Variants in BCAP29 observed in about 807,000 individuals in gnomAD.
The protein encoded by BCAP29 is B cell receptor associated protein 29, also known as B-cell receptor-associated protein 29.
In BCAP29, 34 loss-of-function variants were observed where a neutral mutation model predicts 31.8. The ratio of observed to expected loss-of-function variants is 1.07; its 90% CI spans 0.81 to 1.42. BCAP29 has a LOEUF of 1.42. Ranked by LOEUF, BCAP29 falls within the 40% of genes most tolerant of loss-of-function variation. The pLI is 0.00. For missense variants in BCAP29, 314 were observed against 269.2 expected (o/e 1.17, Z -1.16); for synonymous variants, 104 against 91.3 (o/e 1.14, Z -0.79).
intron 4 of BCAP29, among the ~76,000 whole-genome samples, chr7:107,594,969 A>G (rs1013545251): frequency 4.6e-5 from 7 of 152,164 alleles, no homozygotes; most frequent in Admixed American, 1.3e-4. Flanking sequence ...TGTACAATAC[A>G]TTCCACCCTT....
intron 7 of BCAP29, among the ~76,000 whole-genome samples, chr7:107,616,853 C>G (rs73421405): frequency 0.059 from 8,935 of 152,154 alleles, 715 homozygotes; most frequent in African/African-American, 0.18. Flanking sequence ...ATTCTTGTGC[C>G]TCAGCCTTCT....
At chr7:107,597,616 A>G (rs1006466673) in intron 5 of BCAP29, among the ~76,000 whole-genome samples, 1 of 152,162 alleles carries the variant, frequency 6.6e-6, no homozygotes, top group Non-Finnish European at 1.5e-5. Flanking sequence ...TGGTATTGTT[A>G]TTATCTGCAT....
Position 107,600,457 on chromosome 7 carries a change from G to GT in BCAP29, c.542dup (p.Glu182ArgfsTer9). The GT allele has an allele frequency of 6.2e-7, 1 of 1,611,276 alleles. No individual in the cohort carries two copies. The highest frequency in any genetic ancestry group is 8.5e-7 in the Non-Finnish European group (1 of 1,178,392). On this transcript the variant is annotated frameshift_variant, in exon 6 of 8. Transcript: ENST00000005259. LOFTEE classifies it high-confidence loss of function. The stretch of plus-strand genomic sequence containing the variant: ...TTTGGAAGCAGAAAATAAAAAACTA[G>GT]TAGAAGACCAGGAGAAACTGAAAAC...
intron 3 of BCAP29, among the ~76,000 whole-genome samples, chr7:107,586,872 C>T (rs954454583): frequency 3.3e-5 from 5 of 151,532 alleles, no homozygotes; most frequent in Admixed American, 6.6e-5. Flanking sequence ...GGACTACAGG[C>T]GAGAGCCACC....
downstream of BCAP29, chr7:107,621,501 C>T (rs1814968383): frequency 2.8e-6 from 1 of 352,692 alleles, no homozygotes; most frequent in Non-Finnish European, 5.6e-6. Context: ...ATCCCTATAC[C>T]AATCCCTGGA....
At chr7:107,605,382 A>G (rs1389845694) in intron 6 of BCAP29, among the ~76,000 whole-genome samples, 1 of 152,224 alleles carries the variant, frequency 6.6e-6, no homozygotes, top group South Asian at 2.1e-4. Flanking sequence ...TAAACCAAAC[A>G]TATGTCCATA....
At chr7:107,608,964 A>G (rs898841537) in intron 6 of BCAP29, among the ~76,000 whole-genome samples, 1 of 152,228 alleles carries the variant, frequency 6.6e-6, no homozygotes, top group Admixed American at 6.5e-5. Flanking sequence ...ACTCAGACAG[A>G]TAAGACACAG....
chr7:107,594,659 G>A (rs1176389005), intron 4 of BCAP29, among the ~76,000 whole-genome samples: 1 of 151,962 alleles, frequency 6.6e-6, no homozygotes, highest in Non-Finnish European at 1.5e-5. Flanking sequence ...CTGCCACTGT[G>A]CCCTGCTAAT....
chr7:107,594,344 T>G, intron 4 of BCAP29: 1 of 470,500 alleles, frequency 2.1e-6, no homozygotes, highest in Non-Finnish European at 3.8e-6. Flanking sequence ...CACACCACCA[T>G]GTAGGGCTAA....
At chr7:107,592,447 G>A (rs1008924304) in intron 3 of BCAP29, among the ~76,000 whole-genome samples, 1 of 152,182 alleles carries the variant, frequency 6.6e-6, no homozygotes, top group Non-Finnish European at 1.5e-5. Flanking sequence ...GTGTTGCTGA[G>A]GATATGGAGA....
At chr7:107,606,923 A>G (rs377490859) in intron 6 of BCAP29, among the ~76,000 whole-genome samples, 3 of 152,206 alleles carry the variant, frequency 2.0e-5, no homozygotes, top group South Asian at 2.1e-4. Flanking sequence ...TTACATATAC[A>G]TATTTTTAAA....
In BCAP29 at chr7:107,591,641, T is replaced by TACACACACACACACACACACACAC. The variant is rs924671499; in HGVS notation, c.194-2298_194-2297insACACACACACACACACACACACAC. Among the ~76,000 whole-genome samples the TACACACACACACACACACACACAC allele has an allele frequency of 9.9e-3, 413 of 41,798 alleles. 26 individuals are homozygous for TACACACACACACACACACACACAC. The highest frequency in any genetic ancestry group is 0.02 in the African/African-American group (375 of 19,164). 27.4% of individuals were successfully genotyped at this position (41,798 alleles called of 152,430 possible). ...TGTACCACTTTTCCCCATACACACA[T>TACACACACACACACACACACACAC]ACACACACACACACACCCTATTGGT... is the stretch of plus-strand genomic sequence containing the variant. On this transcript the variant is annotated intron_variant, in intron 3 of 7. Transcript: ENST00000005259.
At chr7:107,597,779 T>C (rs372566499) in intron 5 of BCAP29, among the ~76,000 whole-genome samples, 2 of 152,230 alleles carry the variant, frequency 1.3e-5, no homozygotes, top group East Asian at 3.8e-4. Flanking sequence ...AACTCCTATG[T>C]TATCTGATAG....
intron 6 of BCAP29, among the ~76,000 whole-genome samples, chr7:107,607,656 A>T (rs1272752578): frequency 8.3e-6 from 1 of 119,772 alleles, no homozygotes; most frequent in African/African-American, 3.3e-5. Context: ...TTTTTTTCCG[A>T]GACAGATTCT....
At chr7:107,581,677 T>A (rs1352871125) in intron 2 of BCAP29, among the ~76,000 whole-genome samples, 3 of 152,178 alleles carry the variant, frequency 2.0e-5, no homozygotes, top group Non-Finnish European at 1.5e-5. Context: ...GATAACCCAC[T>A]AAAGTGTATT....
intron 4 of BCAP29, 51 bp downstream of exon 4, chr7:107,594,156 T>C (rs1392079734): frequency 2.0e-6 from 3 of 1,506,100 alleles, no homozygotes; most frequent in South Asian, 1.2e-5. Flanking sequence ...GACTTATGCT[T>C]TCCTTTCTCA....
At position 107,580,845 on chromosome 7, in the gene BCAP29, C is replaced by T. The variant is rs1342179191; in HGVS notation, c.73C>T (p.Pro25Ser). The T allele has an allele frequency of 1.9e-6, 3 of 1,590,290 alleles. No individual in the cohort carries two copies. The highest frequency in any genetic ancestry group is 2.6e-6 in the Non-Finnish European group (3 of 1,169,958). ...AGGACTCATTTTAATCTTCTGCCTACCTTTTATTCCTCCTCAGAGGTAGGA... is the reference window on the plus strand; with the variant it reads ...AGGACTCATTTTAATCTTCTGCCTATCTTTTATTCCTCCTCAGAGGTAGGA... ...EIGLILIFCL[P>S]FIPPQRWQKI... is the part of the protein sequence containing the mutation. The change falls in exon 2 of 8, where the codon CCT (proline) becomes TCT (serine). Residue 25 changes from proline to serine, a missense_variant. Pro to Ser is a moderately conservative substitution (Grantham distance 74). Transcript: ENST00000005259.
rs144557664 is a variant in BCAP29 at position 107,600,357 on chromosome 7, A to C, written c.481-40A>C. On this transcript the variant is annotated intron_variant, in intron 5 of 7. Transcript: ENST00000005259. ...TTCTGTAAGAATGTCTGGCTATTGCAATCTAAGCTTATTTCTTCCTGTATC... is the reference window on the plus strand; with the variant it reads ...TTCTGTAAGAATGTCTGGCTATTGCCATCTAAGCTTATTTCTTCCTGTATC... 446 of 1,211,286 alleles carry C rather than the reference A, an allele frequency of 3.7e-4. 1 individual carries two copies. The African/African-American group carries it at 6.0e-3, about 16-fold the overall frequency. 75.0% of individuals were successfully genotyped at this position (1,211,286 alleles called of 1,614,324 possible). A position where few individuals can be genotyped will look rare whatever the true frequency, so the allele number is the denominator to read the frequency against.
chr7:107,598,360 G>T (rs1245862630), intron 5 of BCAP29, among the ~76,000 whole-genome samples: 2 of 152,004 alleles, frequency 1.3e-5, no homozygotes. Context: ...AAGATATGAG[G>T]CTCCTTTAGT....
Sources: allele counts gnomAD v4.1 joint callset (sites outside exome capture counted in the v4.1 genomes callset), GRCh38; gene constraint gnomAD v4.1.1; transcripts MANE v1.5; gene names NCBI Gene and HGNC (gene_info 2026-07-23, HGNC 2026-07-21).